TEP1: variants seen among roughly 807,000 people sequenced by gnomAD.
TEP1 encodes telomerase protein component 1.
A neutral mutation model predicts 306.3 loss-of-function variants in TEP1; 241 were observed. The observed-to-expected ratio is 0.79, with a 90% CI of 0.71 to 0.88. The LOEUF is 0.88. Among genes scored for constraint, TEP1 ranks in the 40% least tolerant of loss-of-function variants. TEP1 has a pLI of 0.00. For missense variants in TEP1, 3,051 were observed against 3,276.1 expected (o/e 0.93, Z 1.68); for synonymous variants, 1,289 against 1,305.5 (o/e 0.99, Z 0.27).
In TEP1 at chr14:20,389,278, T is replaced by C. The variant is rs751575092; in HGVS notation, c.2485A>G (p.Asn829Asp). The C allele has an allele frequency of 1.2e-6, 2 of 1,614,140 alleles. No homozygotes were observed. The highest frequency in any genetic ancestry group is 3.3e-5 in the Admixed American group (2 of 60,018). ...GTACAGCCTGAGAGTGTCACATCAT[T>C]GGGATTCAAATCTGTTGACCTGGCA... is the stretch of plus-strand genomic sequence containing the variant. Reference protein sequence around the residue: ...VQYLSTDLNPNDVTLSGCTDA... With the variant: ...VQYLSTDLNPDDVTLSGCTDA... Residue 829 changes from asparagine (N) to aspartate (D), a missense_variant, in exon 17 of 55, where the codon AAT becomes GAT. Asn to Asp is a conservative substitution (Grantham distance 23). Transcript: ENST00000262715.
At chr14:20,369,831 A>C in intron 51 of TEP1, 52 bp from the exon 52 acceptor site, 1 of 1,427,840 alleles carries the variant, frequency 7.0e-7, no homozygotes. Flanking sequence ...GTCAACTTGT[A>C]CCAGACAAAA....
chr14:20,403,700 C>G (rs760223383), intron 6 of TEP1, 23 bp downstream of exon 6: 66 of 1,612,622 alleles, frequency 4.1e-5, no homozygotes, highest in Non-Finnish European at 5.4e-5. Flanking sequence ...GGGCGTGGGT[C>G]GAGGGCTGGG....
intron 33 of TEP1, 59 bp from the exon 34 acceptor site, chr14:20,380,534 C>A: frequency 5.2e-6 from 8 of 1,549,182 alleles, no homozygotes; most frequent in Non-Finnish European, 6.9e-6. Context: ...AGCCCCAGCA[C>A]CAAATAAAAC....
chr14:20,369,101 G>A lies in TEP1; in HGVS notation c.7657-199C>T, dbSNP rs866430147. ...CGGCTCACCGCAAGCTCTGCCTCCCGGGTTCACACCATTCTCCTGCCTCAG... is the reference window on the plus strand; with the variant it reads ...CGGCTCACCGCAAGCTCTGCCTCCCAGGTTCACACCATTCTCCTGCCTCAG... On this transcript the variant is annotated intron_variant, in intron 53 of 54. Coordinates refer to ENST00000262715, the MANE Select transcript of TEP1 (RefSeq NM_007110.5). Among the ~76,000 whole-genome samples the A allele has an allele frequency of 2.2e-4, 34 of 151,736 alleles. 1 individual carries two copies. Among genetic ancestry groups the A allele is most frequent in the Admixed American group, 1.5e-3 (23 of 15,212 alleles).
chr14:20,409,742 C>T (rs1000203006), intron 1 of TEP1, among the ~76,000 whole-genome samples: 8 of 151,940 alleles, frequency 5.3e-5, no homozygotes, highest in East Asian at 1.9e-4. Flanking sequence ...AAATGCTGGC[C>T]GGGCGCGGTG....
chr14:20,371,701 C>A, intron 49 of TEP1, 69 bp from the exon 50 acceptor site: 1 of 1,480,378 alleles, frequency 6.8e-7, no homozygotes, highest in Non-Finnish European at 9.0e-7. Context: ...CTCCTCAATC[C>A]CACATGAATT....
rs1258541530 is a variant in TEP1, at chr14:20,367,377, A to G, written c.*1060T>C. ...GACTCTATCTCAAAAACAAAAAAAA[A>G]AAAAAAAGGTTTTTTACTTAAGAAA... On this transcript the variant is annotated 3_prime_UTR_variant, in exon 55 of 55. Coordinates refer to ENST00000262715, the MANE Select transcript of TEP1 (RefSeq NM_007110.5). The G allele has an allele frequency of 6.6e-6, 1 of 151,662 alleles. No homozygotes were observed. Among genetic ancestry groups the G allele is most frequent in the Non-Finnish European group, 1.5e-5 (1 of 68,010 alleles). 9.4% of individuals were successfully genotyped at this position (151,662 alleles called of 1,614,324 possible).
chr14:20,392,414 T>C (rs919199875), intron 12 of TEP1, among the ~76,000 whole-genome samples: 5 of 105,886 alleles, frequency 4.7e-5, no homozygotes, highest in Non-Finnish European at 1.1e-4. Context: ...AAATAGTATA[T>C]ATATAGGATC....
chr14:20,408,509 C>T (rs749740650), intron 1 of TEP1, 46 bp from the exon 2 acceptor site: 9 of 1,457,848 alleles, frequency 6.2e-6, no homozygotes, highest in East Asian at 2.3e-5. Context: ...CTGCACTGAG[C>T]GTGTATTTGC....
chr14:20,378,308 C>T (rs1232497572), intron 38 of TEP1, 72 bp from the exon 39 acceptor site: 2 of 1,611,300 alleles, frequency 1.2e-6, no homozygotes, highest in East Asian at 4.5e-5. Flanking sequence ...CAGAATGCTG[C>T]TGTCTGTCGT....
Position 20,380,782 on chromosome 14 carries a change from C to T in TEP1, c.4762+149G>A, listed in dbSNP as rs535374360. On this transcript the variant is annotated intron_variant, in intron 33 of 54. Coordinates refer to ENST00000262715, the MANE Select transcript of TEP1 (RefSeq NM_007110.5). ...AAAGGTCTCCTGAGAGTCACGTGCT[C>T]ACCCTCTTGGCATTTTCAACTCGAA... 5 of 721,902 alleles carry T rather than the reference C, an allele frequency of 6.9e-6. No individual in the cohort carries two copies. In the African/African-American group the frequency reaches 7.1e-5, roughly 10 times the overall value. The allele number at this position is 721,902 out of a possible 1,614,324, so 44.7% of individuals were successfully genotyped here.
rs1410523697 is a variant in TEP1 at position 20,378,028 on chromosome 14, C to A, written c.5717G>T (p.Gly1906Val). The A allele has an allele frequency of 6.2e-7, 1 of 1,613,108 alleles. No individual in the cohort carries two copies. Among genetic ancestry groups the A allele is most frequent in the Admixed American group, 1.7e-5 (1 of 60,006 alleles). Reference protein sequence around the residue: ...GCQLLTAGEDGKVQVWSGSLG... With the variant: ...GCQLLTAGEDVKVQVWSGSLG... ...ACCAGCCCTCTGCAAGCTGACCTTG[C>A]CATCCTCTCCAGCCGTCAGTAACTG... The change falls in exon 39 of 55, where the codon GGC becomes GTC. Residue 1906 changes from glycine to valine, a missense_variant. Gly to Val is a moderately radical substitution (Grantham distance 109). Transcript: ENST00000262715.
chr14:20,400,137 C>CAAAAA (rs58121179), intron 9 of TEP1, among the ~76,000 whole-genome samples: 15 of 80,472 alleles, frequency 1.9e-4, no homozygotes, highest in Non-Finnish European at 2.5e-4. Flanking sequence ...AACTCCGTCT[C>CAAAAA]AAAAAAAAAA....
chr14:20,382,131 C>G (rs1015365716), intron 29 of TEP1, 68 bp from the exon 30 acceptor site: 1 of 1,610,846 alleles, frequency 6.2e-7, no homozygotes, highest in Admixed American at 1.7e-5. Flanking sequence ...CACACCCAGT[C>G]TCTCCTTGAA....
At chr14:20,389,038 C>T (rs1877468144) in intron 17 of TEP1, among the ~76,000 whole-genome samples, 200 bp downstream of exon 17, 1 of 151,968 alleles carries the variant, frequency 6.6e-6, no homozygotes, top group Non-Finnish European at 1.5e-5. Flanking sequence ...GTCCCAGGTA[C>T]TCGGGAGGCG....
At chr14:20,385,203 G>A in intron 20 of TEP1, 94 bp from the exon 21 acceptor site, 1 of 1,499,280 alleles carries the variant, frequency 6.7e-7, no homozygotes, top group Non-Finnish European at 9.1e-7. Context: ...TATCTCTGAT[G>A]TTCCTCTCTC....
chr14:20,402,467 TC>T, intron 7 of TEP1, among the ~76,000 whole-genome samples: 1 of 152,236 alleles, frequency 6.6e-6, no homozygotes. Flanking sequence ...ATTTTCCTAA[TC>T]ATCTGTTTTA....
In TEP1 at chr14:20,377,448, C is replaced by T. The variant is rs752099970; in HGVS notation, c.5920G>A (p.Ala1974Thr). 1.7e-5 allele frequency: 27 copies of T among 1,613,998 alleles called. No individual in the cohort carries two copies. Among genetic ancestry groups the T allele is most frequent in the Non-Finnish European group, 2.0e-5 (24 of 1,180,032 alleles). ...QGQALDVAVS[A>T]LAWLSPKVLV... ...ACCTTGGGGCTTAGCCAGGCCAGGG[C>T]GGACACTGCCACATCCAGTGCCTGA... The change falls in exon 41 of 55, where the codon GCC becomes ACC. Residue 1974 changes from alanine to threonine, a missense_variant. Physicochemically the swap from Ala to Thr is moderately conservative, Grantham distance 58. Transcript: ENST00000262715.
Position 20,367,358 on chromosome 14 carries a change from AT to A in TEP1, c.*1078del, listed in dbSNP as rs1442538839. 2.9e-5 allele frequency: 4 copies of A among 140,288 alleles called. No individual in the cohort carries two copies. The highest frequency in any genetic ancestry group is 6.1e-5 in the Non-Finnish European group (4 of 65,980). 8.7% of individuals were successfully genotyped at this position (140,288 alleles called of 1,614,324 possible). The stretch of plus-strand genomic sequence containing the variant: ...AGCCTAGGTGACAGAGCCAGACTCT[AT>A]CTCAAAAACAAAAAAAAAAAAAAAA... On this transcript the variant is annotated 3_prime_UTR_variant, in exon 55 of 55. Coordinates refer to ENST00000262715, the MANE Select transcript of TEP1 (RefSeq NM_007110.5).
Sources: allele counts gnomAD v4.1 joint callset (sites outside exome capture counted in the v4.1 genomes callset), GRCh38; gene constraint gnomAD v4.1.1; transcripts MANE v1.5; gene names NCBI Gene and HGNC (gene_info 2026-07-23, HGNC 2026-07-21).